The following GSG1L variants were observed in gnomAD, a reference collection of about 807,000 sequenced individuals.
The protein encoded by GSG1L is germ cell-specific gene 1-like protein.
GSG1L carries 24 observed loss-of-function variants against 42.1 expected under a neutral mutation model. The ratio of observed to expected loss-of-function variants is 0.57; its 90% CI spans 0.41 to 0.80. GSG1L has a LOEUF of 0.80. GSG1L is among the 30% of genes least tolerant of loss of function. The probability of loss-of-function intolerance (pLI) is 0.00; values close to 1 mark genes in which losing one functional copy is unlikely to be tolerated. For synonymous variants in GSG1L, 215 were observed against 203.5 expected, an observed-to-expected ratio of 1.06 and a Z score of -0.48; for missense variants, 445 against 472.2, an observed-to-expected ratio of 0.94 and a Z score of 0.53.
intron 5 of GSG1L, among the ~76,000 whole-genome samples, chr16:27,814,489 G>A (rs2083071504): frequency 6.6e-6 from 1 of 152,156 alleles, no homozygotes; most frequent in Non-Finnish European, 1.5e-5. Context: ...GTCTAGCACA[G>A]TGTGTGGCAC....
chr16:27,854,551 G>A (rs1362642088), intron 3 of GSG1L, among the ~76,000 whole-genome samples: 2 of 152,262 alleles, frequency 1.3e-5, no homozygotes, highest in South Asian at 2.1e-4. Context: ...GTGAACAGTG[G>A]ACACCTTGCG....
At chr16:27,988,115 AG>A (rs997820228) in intron 1 of GSG1L, among the ~76,000 whole-genome samples, 3 of 152,170 alleles carry the variant, frequency 2.0e-5, no homozygotes, top group Non-Finnish European at 4.4e-5. Flanking sequence ...TTTAAACACA[AG>A]TTTAAGTTTA....
At chr16:27,835,111 C>A (rs1187956618) in intron 4 of GSG1L, among the ~76,000 whole-genome samples, 2 of 152,092 alleles carry the variant, frequency 1.3e-5, no homozygotes, top group Non-Finnish European at 1.5e-5. Context: ...ATATTGAAAT[C>A]TCTAATTATA....
chr16:27,864,567 C>T (rs1217838670), intron 3 of GSG1L, among the ~76,000 whole-genome samples: 1 of 152,206 alleles, frequency 6.6e-6, no homozygotes. Context: ...CCCCTGTGCC[C>T]ACCTGCAGCC....
At chr16:27,922,632 G>A (rs1458431533) in intron 2 of GSG1L, among the ~76,000 whole-genome samples, 4 of 152,066 alleles carry the variant, frequency 2.6e-5, no homozygotes, top group Non-Finnish European at 2.9e-5. Flanking sequence ...ACTGCCCTTT[G>A]GACAGCTCTC....
chr16:27,909,493 G>A (rs1478847363), intron 2 of GSG1L, among the ~76,000 whole-genome samples: 1 of 150,456 alleles, frequency 6.6e-6, no homozygotes, highest in Non-Finnish European at 1.5e-5. Context: ...CTCAAGCAAG[G>A]GTCCCACCTC....
intron 1 of GSG1L, among the ~76,000 whole-genome samples, chr16:28,022,530 A>G (rs2085856093): frequency 6.6e-6 from 1 of 151,658 alleles, no homozygotes; most frequent in African/African-American, 2.4e-5. Context: ...GCTGGAGTGC[A>G]ATGCTGTGAT....
chr16:27,895,798 G>A (rs2084185113), intron 2 of GSG1L, among the ~76,000 whole-genome samples: 1 of 152,184 alleles, frequency 6.6e-6, no homozygotes, highest in African/African-American at 2.4e-5. Context: ...TTTGACTCCA[G>A]GTCATAGTAG....
intron 6 of GSG1L, among the ~76,000 whole-genome samples, chr16:27,803,792 T>G (rs57828716): frequency 0.098 from 5,446 of 55,722 alleles, 159 homozygotes; most frequent in East Asian, 0.16. Flanking sequence ...TATATATATA[T>G]ATAGATAGAT....
intron 2 of GSG1L, among the ~76,000 whole-genome samples, chr16:27,902,911 G>C (rs2084277856): frequency 6.6e-6 from 1 of 152,142 alleles, no homozygotes; most frequent in South Asian, 2.1e-4. Context: ...GCTGCTCAAT[G>C]TCGGGTGCCA....
chr16:27,921,813 C>T (rs1441268994), intron 2 of GSG1L, among the ~76,000 whole-genome samples: 2 of 152,148 alleles, frequency 1.3e-5, no homozygotes, highest in East Asian at 3.9e-4. Context: ...GTTGAGGACC[C>T]TGCCTTGATC....
chr16:27,957,399 T>C (rs979962144), intron 2 of GSG1L, among the ~76,000 whole-genome samples: 9 of 152,160 alleles, frequency 5.9e-5, no homozygotes, highest in Non-Finnish European at 1.2e-4. Context: ...TTGATCTGCG[T>C]TTGTACATTT....
At chr16:27,829,325 G>A (rs2083250555) in intron 4 of GSG1L, among the ~76,000 whole-genome samples, 1 of 152,206 alleles carries the variant, frequency 6.6e-6, no homozygotes, top group Non-Finnish European at 1.5e-5. Flanking sequence ...AGAAGGAATA[G>A]TGTGTACAAA....
chr16:27,858,964 T>C (rs1188168035), intron 3 of GSG1L, among the ~76,000 whole-genome samples: 2 of 152,170 alleles, frequency 1.3e-5, no homozygotes, highest in Admixed American at 1.3e-4. Context: ...GTGAAGGTTC[T>C]GGAGGGAGAG....
chr16:27,952,139 A>G (rs922524593), intron 2 of GSG1L, among the ~76,000 whole-genome samples: 1 of 152,224 alleles, frequency 6.6e-6, no homozygotes, highest in Non-Finnish European at 1.5e-5. Context: ...TCTAAGCCCA[A>G]ATGGGCCACC....
At chr16:27,900,072 A>G (rs183893809) in intron 2 of GSG1L, among the ~76,000 whole-genome samples, 5 of 152,252 alleles carry the variant, frequency 3.3e-5, no homozygotes, top group Admixed American at 2.6e-4. Context: ...CACTAATGCA[A>G]TTGTCCTTCC....
chr16:27,848,787 G>A lies in GSG1L; in HGVS notation c.551-3726C>T, dbSNP rs145914748. Among the ~76,000 whole-genome samples, 320 of 152,186 alleles carry A rather than the reference G, an allele frequency of 2.1e-3. 1 individual carries two copies. The highest frequency in any genetic ancestry group is 7.4e-3 in the African/African-American group (307 of 41,532). ...TGACATTTAAGCAGAGGTTTGGAAT[G>A]AGGAGCTGAGGGCAGCCATGCAGAA... On this transcript the variant is annotated intron_variant, in intron 3 of 6. Transcript: ENST00000447459.
intron 1 of GSG1L, among the ~76,000 whole-genome samples, chr16:28,003,526 C>T (rs1262152640): frequency 6.6e-6 from 1 of 152,230 alleles, no homozygotes; most frequent in Admixed American, 6.5e-5. Flanking sequence ...ATTGGCCCAG[C>T]TCAGGTCACA....
At chr16:27,915,231 A>G (rs572775302) in intron 2 of GSG1L, among the ~76,000 whole-genome samples, 1 of 140,742 alleles carries the variant, frequency 7.1e-6, no homozygotes, top group Non-Finnish European at 1.5e-5. Context: ...ACACACACAC[A>G]CACACACACC....
Sources: gnomAD v4.1 joint callset for allele counts (sites outside exome capture counted in the v4.1 genomes callset) on GRCh38, gnomAD v4.1.1 for gene constraint, MANE v1.5 for transcripts, NCBI Gene and HGNC (gene_info 2026-07-23, HGNC 2026-07-21) for gene names.